The following GALNT13 variants were observed in gnomAD, a reference collection of about 807,000 sequenced individuals.
GALNT13 encodes the protein UDP-GalNAc:polypeptide N-acetylgalactosaminyltransferase 13.
Under a neutral mutation model 64.2 loss-of-function variants are expected in GALNT13, and 28 were observed. That is an observed-to-expected ratio of 0.44 (90% CI 0.32 to 0.60). GALNT13 has a LOEUF of 0.60. GALNT13 is among the 20% of genes least tolerant of loss of function. The probability of loss-of-function intolerance (pLI) is 0.05; values close to 1 mark genes in which losing one functional copy is unlikely to be tolerated. For missense variants in GALNT13, 577 were observed against 669.8 expected (o/e 0.86, Z 1.53); for synonymous variants, 214 against 224.6 (o/e 0.95, Z 0.42).
the GALNT13 span, among the ~76,000 whole-genome samples, chr2:153,505,821 T>A: frequency 3.9e-5 from 6 of 152,170 alleles, no homozygotes; most frequent in Non-Finnish European, 7.4e-5. Flanking sequence ...ATGCATAGAA[T>A]GTATATTCTG....
At chr2:153,787,757 T>C in the GALNT13 span, among the ~76,000 whole-genome samples, 5 of 152,152 alleles carry the variant, frequency 3.3e-5, no homozygotes, top group South Asian at 8.3e-4. Context: ...CTAAATTATC[T>C]GATAGAACCA....
intron 2 of GALNT13, among the ~76,000 whole-genome samples, chr2:153,911,263 A>T (rs895092105): frequency 6.6e-6 from 1 of 152,110 alleles, no homozygotes; most frequent in South Asian, 2.1e-4. Context: ...TTTGCTTGGT[A>T]GACATTTCCC....
intron 3 of GALNT13, among the ~76,000 whole-genome samples, chr2:154,102,066 T>C (rs569478701): frequency 2.0e-5 from 3 of 152,198 alleles, no homozygotes; most frequent in East Asian, 1.9e-4. Flanking sequence ...GCCAGGTATA[T>C]GGTCAATTTT....
chr2:154,032,927 T>G (rs1158203238), intron 3 of GALNT13, among the ~76,000 whole-genome samples: 1 of 150,976 alleles, frequency 6.6e-6, no homozygotes, highest in East Asian at 1.9e-4. Context: ...AATCACGTAT[T>G]TGTTTTAGGA....
intron 4 of GALNT13, among the ~76,000 whole-genome samples, chr2:154,144,400 G>C (rs138714327): frequency 6.6e-6 from 1 of 152,174 alleles, no homozygotes; most frequent in East Asian, 1.9e-4. Flanking sequence ...TCAGTTTTTG[G>C]ATAATTATAT....
chr2:153,222,469 A>C, the GALNT13 span, among the ~76,000 whole-genome samples: 1 of 152,080 alleles, frequency 6.6e-6, no homozygotes, highest in Non-Finnish European at 1.5e-5. Flanking sequence ...AGGAGCTGAC[A>C]GCCCAGCCCC....
the GALNT13 span, among the ~76,000 whole-genome samples, chr2:153,164,096 C>T: frequency 6.6e-6 from 1 of 151,476 alleles, no homozygotes; most frequent in Non-Finnish European, 1.5e-5. Context: ...ATGACTTTCA[C>T]TGTATCTGAT....
At chr2:153,534,984 T>TAGTGTTGA in the GALNT13 span, among the ~76,000 whole-genome samples, 1 of 151,804 alleles carries the variant, frequency 6.6e-6, no homozygotes, top group Non-Finnish European at 1.5e-5. Context: ...AAAAATAAAA[T>TAGTGTTGA]AGTGTTGAAG....
chr2:154,121,027 T>C (rs1042892177), intron 3 of GALNT13, among the ~76,000 whole-genome samples: 1 of 152,204 alleles, frequency 6.6e-6, no homozygotes, highest in South Asian at 2.1e-4. Flanking sequence ...TGACTGCCTG[T>C]CATTTTCTTC....
intron 11 of GALNT13, among the ~76,000 whole-genome samples, chr2:154,411,503 T>G (rs1458541645): frequency 6.6e-6 from 1 of 151,760 alleles, no homozygotes; most frequent in Non-Finnish European, 1.5e-5. Context: ...GAGGTCTGCA[T>G]GTGTGTCACT....
the GALNT13 span, among the ~76,000 whole-genome samples, chr2:153,237,491 C>A: frequency 1.3e-5 from 2 of 151,924 alleles, no homozygotes. Flanking sequence ...CCCTTCTCAG[C>A]CTCTGGTAAC....
the GALNT13 span, among the ~76,000 whole-genome samples, chr2:153,668,492 T>C: frequency 1.4e-4 from 21 of 150,778 alleles, no homozygotes; most frequent in African/African-American, 5.1e-4. Context: ...TAGATGCAGC[T>C]AGGAGGAACA....
chr2:153,515,466 T>A, the GALNT13 span, among the ~76,000 whole-genome samples: 6 of 152,200 alleles, frequency 3.9e-5, no homozygotes, highest in Non-Finnish European at 7.3e-5. Context: ...CAGCAAGCAC[T>A]GAACAATCTT....
chr2:153,272,056 C>A, the GALNT13 span, among the ~76,000 whole-genome samples: 1 of 152,126 alleles, frequency 6.6e-6, no homozygotes, highest in Admixed American at 6.6e-5. Context: ...GGAAAACTGG[C>A]TAGCCATATG....
At chr2:153,654,617 T>C in the GALNT13 span, among the ~76,000 whole-genome samples, 1 of 151,962 alleles carries the variant, frequency 6.6e-6, no homozygotes, top group Admixed American at 6.6e-5. Context: ...CATCTGAGGA[T>C]CAAAAATATT....
the GALNT13 span, among the ~76,000 whole-genome samples, chr2:153,108,537 CT>C: frequency 3.4e-3 from 517 of 152,228 alleles, 2 homozygotes; most frequent in African/African-American, 0.012. Context: ...TCTATTATTA[CT>C]TTTAATTTTG....
the GALNT13 span, among the ~76,000 whole-genome samples, chr2:153,177,637 G>A: frequency 6.6e-6 from 1 of 152,000 alleles, no homozygotes; most frequent in South Asian, 2.1e-4. Context: ...TCAAAGGGAT[G>A]TTATAATTTA....
chr2:153,907,891 T>C (rs1279617479), intron 2 of GALNT13, among the ~76,000 whole-genome samples: 1 of 152,066 alleles, frequency 6.6e-6, no homozygotes, highest in Non-Finnish European at 1.5e-5. Context: ...GTCTTTATGG[T>C]AGGATAATTT....
chr2:153,810,884 C>A, the GALNT13 span, among the ~76,000 whole-genome samples: 1 of 152,034 alleles, frequency 6.6e-6, no homozygotes, highest in Admixed American at 6.5e-5. Flanking sequence ...AAAAACTAAC[C>A]AAACATCACA....
Sources: gnomAD v4.1 joint callset for allele counts (sites outside exome capture counted in the v4.1 genomes callset) on GRCh38, gnomAD v4.1.1 for gene constraint, MANE v1.5 for transcripts, NCBI Gene and HGNC (gene_info 2026-07-23, HGNC 2026-07-21) for gene names.